The following HS6ST3 variants were observed in gnomAD, a reference collection of about 807,000 sequenced individuals.
HS6ST3 encodes the protein heparan-sulfate 6-O-sulfotransferase 3.
Under a neutral mutation model 36.7 loss-of-function variants are expected in HS6ST3, and 12 were observed. That is an observed-to-expected ratio of 0.33 (90% CI 0.21 to 0.53). The LOEUF (loss-of-function observed/expected upper bound fraction) is 0.53, where lower values mean the gene tolerates loss of function less well. Ranked by LOEUF, HS6ST3 falls within the 20% of genes least tolerant of loss-of-function variation. HS6ST3 has a pLI of 0.95. For missense variants in HS6ST3, 584 were observed against 640.9 expected (o/e 0.91, Z 0.96); for synonymous variants, 240 against 257.5 (o/e 0.93, Z 0.65).
intron 1 of HS6ST3, among the ~76,000 whole-genome samples, chr13:96,560,368 A>G (rs2056257299): frequency 1.3e-5 from 2 of 152,126 alleles, no homozygotes; most frequent in South Asian, 4.1e-4. Context: ...ATCATACACT[A>G]TGCCTCACAA....
chr13:96,172,156 GCA>G (rs2054190512), intron 1 of HS6ST3, among the ~76,000 whole-genome samples: 1 of 152,156 alleles, frequency 6.6e-6, no homozygotes, highest in Non-Finnish European at 1.5e-5. Flanking sequence ...GTTGAGTCCT[GCA>G]CAGCCTCACA....
intron 1 of HS6ST3, among the ~76,000 whole-genome samples, chr13:96,802,826 A>C (rs1594863874): frequency 6.6e-6 from 1 of 152,158 alleles, no homozygotes; most frequent in Non-Finnish European, 1.5e-5. Context: ...ATTTTCAGAT[A>C]CTTTTCCCAT....
intron 1 of HS6ST3, among the ~76,000 whole-genome samples, chr13:96,671,667 T>C (rs2056683161): frequency 6.6e-6 from 1 of 152,086 alleles, no homozygotes; most frequent in Non-Finnish European, 1.5e-5. Flanking sequence ...CTTCATGTTC[T>C]CTTGGTGTTC....
intron 1 of HS6ST3, among the ~76,000 whole-genome samples, chr13:96,810,425 T>A (rs1194097392): frequency 6.6e-6 from 1 of 152,318 alleles, no homozygotes; most frequent in African/African-American, 2.4e-5. Flanking sequence ...TGTACTATTA[T>A]GACCATAAAA....
chr13:96,167,328 C>A (rs923012112), intron 1 of HS6ST3, among the ~76,000 whole-genome samples: 1 of 152,194 alleles, frequency 6.6e-6, no homozygotes. Flanking sequence ...AAAGAGATAT[C>A]TTTAACTCAT....
chr13:96,810,826 A>G (rs1381508354), intron 1 of HS6ST3, among the ~76,000 whole-genome samples: 1 of 152,242 alleles, frequency 6.6e-6, no homozygotes, highest in Non-Finnish European at 1.5e-5. Context: ...CACAAAACAC[A>G]AGATGAACAA....
chr13:96,530,505 C>CT (rs113518179), intron 1 of HS6ST3, among the ~76,000 whole-genome samples: 8,054 of 142,474 alleles, frequency 0.057, 260 homozygotes, highest in Non-Finnish European at 0.077. Context: ...TTTTCTTTCC[C>CT]TTTTTTTTTT....
At chr13:96,511,696 C>G (rs2056050483) in intron 1 of HS6ST3, among the ~76,000 whole-genome samples, 1 of 151,536 alleles carries the variant, frequency 6.6e-6, no homozygotes, top group Non-Finnish European at 1.5e-5. Flanking sequence ...TAACTTTGCA[C>G]TTGGTGTCCT....
intron 1 of HS6ST3, among the ~76,000 whole-genome samples, chr13:96,531,270 T>C (rs1260682308): frequency 6.6e-6 from 1 of 152,200 alleles, no homozygotes; most frequent in East Asian, 1.9e-4. Flanking sequence ...ATTCTCCTGA[T>C]TTGGTGACAA....
intron 1 of HS6ST3, among the ~76,000 whole-genome samples, chr13:96,690,606 C>T (rs151337310): frequency 1.3e-5 from 2 of 152,184 alleles, no homozygotes; most frequent in East Asian, 3.9e-4. Context: ...TATTTACCTC[C>T]ATTTGCCTGG....
intron 1 of HS6ST3, among the ~76,000 whole-genome samples, chr13:96,721,250 C>A (rs917534444): frequency 6.6e-6 from 1 of 152,116 alleles, no homozygotes; most frequent in Non-Finnish European, 1.5e-5. Context: ...ATTTTTATAT[C>A]TTTATCTACT....
intron 1 of HS6ST3, among the ~76,000 whole-genome samples, chr13:96,155,500 G>A (rs1281963533): frequency 6.6e-6 from 1 of 152,098 alleles, no homozygotes; most frequent in Admixed American, 6.6e-5. Flanking sequence ...GACATCAGAG[G>A]TTAATACAAG....
chr13:96,128,013 G>C (rs146892169), intron 1 of HS6ST3, among the ~76,000 whole-genome samples: 50 of 152,308 alleles, frequency 3.3e-4, no homozygotes, highest in Non-Finnish European at 5.7e-4. Flanking sequence ...TTCTGAGTCA[G>C]TGTGATTGGA....
At chr13:96,664,491 A>G (rs2138426837) in intron 1 of HS6ST3, among the ~76,000 whole-genome samples, 1 of 152,250 alleles carries the variant, frequency 6.6e-6, no homozygotes, top group East Asian at 1.9e-4. Context: ...ATAGTCTCTA[A>G]CTTTAGCTGA....
intron 1 of HS6ST3, among the ~76,000 whole-genome samples, chr13:96,776,590 A>G (rs1316602044): frequency 6.6e-6 from 1 of 152,234 alleles, no homozygotes; most frequent in African/African-American, 2.4e-5. Context: ...TACAACATGT[A>G]GAAGAAATTG....
intron 1 of HS6ST3, among the ~76,000 whole-genome samples, chr13:96,526,350 G>T (rs574542401): frequency 1.2e-4 from 19 of 152,278 alleles, no homozygotes; most frequent in African/African-American, 3.9e-4. Flanking sequence ...TTTTAGAAAG[G>T]TCACTCTAGA....
rs1304747308 is a variant in HS6ST3 at position 96,317,380 on chromosome 13, A to ATATAAAAT, written c.707+225815_707+225816insAAATTATA. ...TATATATATATATAAAATTATATATATATATATATATATATCATGGAATAT... is the reference window on the plus strand; with the variant it reads ...TATATATATATATAAAATTATATATATATAAAATTATATATATATATATCATGGAATAT... On this transcript the variant is annotated intron_variant, in intron 1 of 1. Transcript: ENST00000376705. Among the ~76,000 whole-genome samples, 401 of 121,846 alleles carry ATATAAAAT rather than the reference A, an allele frequency of 3.3e-3. 4 individuals carry two copies. Among genetic ancestry groups the ATATAAAAT allele is most frequent in the African/African-American group, 6.4e-3 (212 of 32,970 alleles). The allele number at this position is 121,846 out of a possible 152,430, so 79.9% of individuals were successfully genotyped here.
At chr13:96,542,302 G>A (rs2056181513) in intron 1 of HS6ST3, among the ~76,000 whole-genome samples, 1 of 152,060 alleles carries the variant, frequency 6.6e-6, no homozygotes, top group Non-Finnish European at 1.5e-5. Flanking sequence ...CTCCCAATAT[G>A]GACATGCTCC....
intron 1 of HS6ST3, among the ~76,000 whole-genome samples, chr13:96,576,798 G>T (rs182971982): frequency 6.4e-4 from 97 of 151,892 alleles, no homozygotes; most frequent in Non-Finnish European, 2.1e-4. Context: ...TAAAAAATTA[G>T]CCAGGCATGG....
Sources: allele counts gnomAD v4.1 joint callset (sites outside exome capture counted in the v4.1 genomes callset), GRCh38; gene constraint gnomAD v4.1.1; transcripts MANE v1.5; gene names NCBI Gene and HGNC (gene_info 2026-07-23, HGNC 2026-07-21).